Variants in FRMD3 observed in about 807,000 individuals in gnomAD.
The protein encoded by FRMD3 is FERM domain containing 3.
A neutral mutation model predicts 70.2 loss-of-function variants in FRMD3; 33 were observed. The ratio of observed to expected loss-of-function variants is 0.47; its 90% CI spans 0.36 to 0.63. The LOEUF is 0.63. Among genes scored for constraint, FRMD3 ranks in the 20% least tolerant of loss-of-function variants. The pLI is 0.00. For synonymous variants in FRMD3, 279 were observed against 255.9 expected (o/e 1.09, Z -0.86); for missense variants, 632 against 711.4 (o/e 0.89, Z 1.27).
At chr9:83,450,536 G>A (rs1827624492) in intron 1 of FRMD3, among the ~76,000 whole-genome samples, 1 of 151,960 alleles carries the variant, frequency 6.6e-6, no homozygotes, top group Non-Finnish European at 1.5e-5. Flanking sequence ...TTCCAAGACT[G>A]TTGCCCAAAA....
chr9:83,281,673 T>A (rs1398216619), intron 13 of FRMD3: 1 of 152,250 alleles, frequency 6.6e-6, no homozygotes, highest in Non-Finnish European at 1.5e-5. Context: ...TCATTCCTTA[T>A]TTAATGAATT....
At chr9:83,505,938 C>A (rs1416999601) in intron 1 of FRMD3, among the ~76,000 whole-genome samples, 2 of 152,152 alleles carry the variant, frequency 1.3e-5, no homozygotes, top group African/African-American at 4.8e-5. Flanking sequence ...CTGGAACAGA[C>A]AATCATCTGC....
intron 13 of FRMD3, among the ~76,000 whole-genome samples, chr9:83,262,207 G>A (rs902474456): frequency 6.6e-6 from 1 of 152,060 alleles, no homozygotes; most frequent in Admixed American, 6.5e-5. Context: ...TAGGAACATC[G>A]ACTTCAATAC....
intron 1 of FRMD3, among the ~76,000 whole-genome samples, chr9:83,502,965 A>G (rs965281031): frequency 6.6e-6 from 1 of 152,172 alleles, no homozygotes. Context: ...AGTAATTACT[A>G]TAAGGGCAAA....
intron 13 of FRMD3, among the ~76,000 whole-genome samples, chr9:83,253,356 A>C (rs2118575674): frequency 6.6e-6 from 1 of 152,354 alleles, no homozygotes; most frequent in South Asian, 2.1e-4. Flanking sequence ...AATCTCTGGG[A>C]TACAGCTAAA....
At chr9:83,249,138 T>G (rs1832279735) in intron 13 of FRMD3, among the ~76,000 whole-genome samples, 1 of 152,228 alleles carries the variant, frequency 6.6e-6, no homozygotes, top group Non-Finnish European at 1.5e-5. Flanking sequence ...TGCAATAAAT[T>G]AGTTGCCTAT....
At chr9:83,450,252 TC>T (rs1293575403) in intron 1 of FRMD3, among the ~76,000 whole-genome samples, 1 of 151,312 alleles carries the variant, frequency 6.6e-6, no homozygotes, top group Non-Finnish European at 1.5e-5. Flanking sequence ...CACATGCAGT[TC>T]CAGCTTCTCA....
At position 83,247,885 on chromosome 9, in the gene FRMD3, G is replaced by A; in HGVS notation, c.*33C>T. On this transcript the variant is annotated 3_prime_UTR_variant, in exon 14 of 14. Transcript: ENST00000304195. ...CTGAAAAAAAGAAATCACTAGCATT[G>A]AATATAGCCCTTAGTCACGTGAGAG... The A allele has an allele frequency of 6.2e-7, 1 of 1,603,750 alleles. No homozygotes were observed. The highest frequency in any genetic ancestry group is 8.5e-7 in the Non-Finnish European group (1 of 1,173,164).
Position 83,538,089 on chromosome 9 carries a change from A to G in FRMD3, c.143T>C (p.Ile48Thr). The change falls in exon 1 of 14, where the codon ATC becomes ACC. Residue 48 changes from isoleucine to threonine, a missense_variant. Ile to Thr is a moderately conservative substitution (Grantham distance 89). Around this residue, in one of 3 missense-constraint regions of FRMD3, gnomAD observed 208 missense variants for 247.7 expected, o/e 0.84. Transcript: ENST00000304195. The surrounding 1 kb of genome is among the most constrained non-coding windows in gnomAD (Gnocchi z 4.7). ...LLDDSEISCH[I>T]QRETKGQFLI... ...CTCGCCCGGTTCCACGCGCACCTGG[A>G]TGTGGCAGGAGATCTCCGAGTCGTC... is the stretch of plus-strand genomic sequence containing the variant. The G allele has an allele frequency of 1.2e-6, 2 of 1,612,438 alleles. No homozygotes were observed. Among genetic ancestry groups the G allele is most frequent in the African/African-American group, 1.3e-5 (1 of 74,998 alleles).
At chr9:83,435,843 T>A (rs1168540017) in intron 1 of FRMD3, among the ~76,000 whole-genome samples, 1 of 152,188 alleles carries the variant, frequency 6.6e-6, no homozygotes, top group Non-Finnish European at 1.5e-5. Flanking sequence ...ACCAAGAATA[T>A]ACCTTTTTCT....
At chr9:83,356,271 A>ATTTTTTTTTCTTTTTTTTTTTTTTTT (rs1824333439) in intron 3 of FRMD3, among the ~76,000 whole-genome samples, 1 of 94,462 alleles carries the variant, frequency 1.1e-5, no homozygotes, top group African/African-American at 4.6e-5. Flanking sequence ...ACTCAGCAGC[A>ATTTTTTTTTCTTTTTTTTTTTTTTTT]TTTTTTTTTT....
At chr9:83,422,708 A>T (rs2131361855) in intron 1 of FRMD3, among the ~76,000 whole-genome samples, 1 of 152,302 alleles carries the variant, frequency 6.6e-6, no homozygotes, top group African/African-American at 2.4e-5. Context: ...GCCAGAACAG[A>T]TGTTTGCATC....
intron 6 of FRMD3, among the ~76,000 whole-genome samples, chr9:83,325,337 G>A (rs1211408872): frequency 1.3e-5 from 2 of 151,974 alleles, no homozygotes; most frequent in East Asian, 1.9e-4. Flanking sequence ...TATTTAATTC[G>A]TTTATTTGAG....
At chr9:83,471,755 T>C (rs1268771754) in intron 1 of FRMD3, among the ~76,000 whole-genome samples, 1 of 152,196 alleles carries the variant, frequency 6.6e-6, no homozygotes, top group Non-Finnish European at 1.5e-5. Context: ...TTTGTATTTG[T>C]TTAAGTGGTG....
chr9:83,464,309 T>C lies in FRMD3; in HGVS notation c.147+73776A>G, dbSNP rs768800150. On this transcript the variant is annotated intron_variant, in intron 1 of 13. Transcript: ENST00000304195. ...CACCCACTGCCTTCCAAATTCTCTA[T>C]GAGTACCAGCAGTCGCCTCCAGATA... 2.0e-5 allele frequency among the ~76,000 whole-genome samples: 3 copies of C among 152,208 alleles called. No homozygotes were observed. In the South Asian group the frequency reaches 6.2e-4, roughly 32 times the overall value.
the FRMD3 span, among the ~76,000 whole-genome samples, chr9:83,558,482 T>G: frequency 0.19 from 28,947 of 152,200 alleles, 2,938 homozygotes; most frequent in East Asian, 0.39. Context: ...TGACTTTATT[T>G]GTAAATACAG....
intron 6 of FRMD3, among the ~76,000 whole-genome samples, chr9:83,318,344 C>T (rs570337585): frequency 6.6e-6 from 1 of 152,124 alleles, no homozygotes; most frequent in Admixed American, 6.5e-5. Context: ...TGAGAACATG[C>T]AGTATTTGCC....
chr9:83,566,527 A>C, the FRMD3 span, among the ~76,000 whole-genome samples: 10 of 152,318 alleles, frequency 6.6e-5, no homozygotes, highest in South Asian at 1.0e-3. Flanking sequence ...CATAGTCCAA[A>C]GTCTCATCTG....
chr9:83,382,000 A>T (rs1400032006), intron 2 of FRMD3, among the ~76,000 whole-genome samples: 2 of 152,174 alleles, frequency 1.3e-5, no homozygotes, highest in Non-Finnish European at 2.9e-5. Context: ...ACTCCCAAGA[A>T]ATCTTTAATA....
Sources: gnomAD v4.1 joint callset for allele counts (sites outside exome capture counted in the v4.1 genomes callset) on GRCh38, gnomAD v4.1.1 for gene constraint, gnomAD v4.1.1 regional missense constraint, Gnocchi (gnomAD v3.1) non-coding constraint, MANE v1.5 for transcripts, NCBI Gene and HGNC (gene_info 2026-07-23, HGNC 2026-07-21) for gene names.